Variants in EHBP1 observed in about 807,000 individuals in gnomAD.
The protein encoded by EHBP1 is EH domain-binding protein 1.
Under a neutral mutation model 144.0 loss-of-function variants are expected in EHBP1, and 55 were observed. The observed-to-expected ratio is 0.38, with a 90% CI of 0.31 to 0.48. The LOEUF is 0.48. Among genes scored for constraint, EHBP1 ranks in the 20% least tolerant of loss-of-function variants. The pLI is 0.98. For synonymous variants in EHBP1, 469 were observed against 472.7 expected (o/e 0.99, Z 0.10); for missense variants, 1,200 against 1,364.2 (o/e 0.88, Z 1.90).
At chr2:62,867,752 A>G (rs1283210721) in intron 9 of EHBP1, among the ~76,000 whole-genome samples, 1 of 152,208 alleles carries the variant, frequency 6.6e-6, no homozygotes, top group Non-Finnish European at 1.5e-5. Context: ...AGAATAATCA[A>G]AACAACTTTG....
At chr2:62,810,557 T>C (rs1296501996) in intron 5 of EHBP1, among the ~76,000 whole-genome samples, 1 of 152,178 alleles carries the variant, frequency 6.6e-6, no homozygotes, top group Non-Finnish European at 1.5e-5. Flanking sequence ...ATGAGTTCAG[T>C]TTGGCTATGT....
intron 21 of EHBP1, among the ~76,000 whole-genome samples, chr2:63,040,422 T>A (rs1240455294): frequency 1.3e-5 from 2 of 152,174 alleles, no homozygotes; most frequent in Non-Finnish European, 2.9e-5. Context: ...ACACATTAAA[T>A]AATTCAATTT....
At position 62,896,071 on chromosome 2, in the gene EHBP1, T is replaced by C. The variant is rs2052900723; in HGVS notation, c.1185+21539T>C. On this transcript the variant is annotated intron_variant, in intron 10 of 22. Transcript: ENST00000431489. ...GATATAATAGACACAGTTTCTAACTTTCTGGAGATACTACAAAGTGAACCC... is the reference window on the plus strand; with the variant it reads ...GATATAATAGACACAGTTTCTAACTCTCTGGAGATACTACAAAGTGAACCC... Among the ~76,000 whole-genome samples the C allele has an allele frequency of 5.9e-5, 9 of 152,184 alleles. No individual in the cohort carries two copies. In the South Asian group the frequency reaches 1.7e-3, roughly 28 times the overall value.
At chr2:63,010,028 C>T (rs556786873) in intron 19 of EHBP1, among the ~76,000 whole-genome samples, 31 of 151,498 alleles carry the variant, frequency 2.0e-4, no homozygotes, top group African/African-American at 7.2e-4. Flanking sequence ...TATTTTTGGA[C>T]CTCAGTAAGT....
At chr2:63,030,253 A>G (rs1440881785) in intron 19 of EHBP1, among the ~76,000 whole-genome samples, 1 of 152,210 alleles carries the variant, frequency 6.6e-6, no homozygotes, top group African/African-American at 2.4e-5. Context: ...TCTAAAGTTC[A>G]TTTATGAGTC....
chr2:62,918,878 C>T (rs931214059), intron 10 of EHBP1, among the ~76,000 whole-genome samples: 14 of 152,138 alleles, frequency 9.2e-5, no homozygotes, highest in African/African-American at 1.2e-4. Context: ...CTCTCCCAAC[C>T]GAGACAACAT....
chr2:62,981,456 G>A (rs1305753324), intron 15 of EHBP1, among the ~76,000 whole-genome samples: 2 of 152,068 alleles, frequency 1.3e-5, no homozygotes, highest in African/African-American at 4.8e-5. Context: ...AGGGGCAGTT[G>A]GTATCTATTT....
intron 10 of EHBP1, among the ~76,000 whole-genome samples, chr2:62,924,721 C>T (rs978792690): frequency 6.6e-6 from 1 of 152,150 alleles, no homozygotes; most frequent in Non-Finnish European, 1.5e-5. Context: ...AGTATTCCAA[C>T]AATGTAAAGT....
At chr2:62,761,647 G>A (rs1282303460) in intron 3 of EHBP1, among the ~76,000 whole-genome samples, 1 of 152,044 alleles carries the variant, frequency 6.6e-6, no homozygotes, top group Non-Finnish European at 1.5e-5. Context: ...CTCATATACT[G>A]TAACTTCTTT....
chr2:63,031,510 A>G (rs992438330), intron 19 of EHBP1, among the ~76,000 whole-genome samples: 3 of 152,224 alleles, frequency 2.0e-5, no homozygotes, highest in Non-Finnish European at 4.4e-5. Flanking sequence ...AACTTTAGTC[A>G]AATGCTCATC....
intron 4 of EHBP1, among the ~76,000 whole-genome samples, chr2:62,770,334 C>T (rs2041561199): frequency 6.6e-6 from 1 of 151,944 alleles, no homozygotes. Flanking sequence ...ACAAAACAAC[C>T]CCATTAAAAA....
upstream of EHBP1, among the ~76,000 whole-genome samples, chr2:62,701,729 G>C (rs1013063601): frequency 2.6e-5 from 4 of 152,178 alleles, no homozygotes; most frequent in African/African-American, 7.2e-5. Flanking sequence ...GTATTGGCCT[G>C]CCACAGTGAG....
chr2:62,825,752 TA>T (rs2046303289), intron 5 of EHBP1, among the ~76,000 whole-genome samples: 1 of 152,090 alleles, frequency 6.6e-6, no homozygotes, highest in African/African-American at 2.4e-5. Context: ...TGTTGATGCC[TA>T]GCCCTGTATT....
intron 19 of EHBP1, among the ~76,000 whole-genome samples, chr2:63,023,936 AGAATT>A (rs1183542236): frequency 6.6e-6 from 1 of 152,244 alleles, no homozygotes; most frequent in African/African-American, 2.4e-5. Context: ...AATTTTCTAG[AGAATT>A]GAATTTTTAA....
At chr2:62,967,645 T>C (rs529569828) in intron 14 of EHBP1, among the ~76,000 whole-genome samples, 1 of 152,322 alleles carries the variant, frequency 6.6e-6, no homozygotes, top group East Asian at 1.9e-4. Flanking sequence ...GAGGAAAATC[T>C]TTCAAGTACA....
intron 10 of EHBP1, among the ~76,000 whole-genome samples, chr2:62,906,780 A>G (rs1035853710): frequency 6.6e-6 from 1 of 152,208 alleles, no homozygotes; most frequent in African/African-American, 2.4e-5. Flanking sequence ...GCCCATTTAC[A>G]GCCAAAACCA....
intron 19 of EHBP1, among the ~76,000 whole-genome samples, chr2:63,024,299 G>GC (rs1437335635): frequency 6.6e-6 from 1 of 152,166 alleles, no homozygotes; most frequent in Non-Finnish European, 1.5e-5. Flanking sequence ...AGCCAAGACT[G>GC]CACAATTGCA....
chr2:62,912,239 A>G (rs1266169017), intron 10 of EHBP1, among the ~76,000 whole-genome samples: 1 of 152,150 alleles, frequency 6.6e-6, no homozygotes, highest in Non-Finnish European at 1.5e-5. Context: ...AGAATTTTTC[A>G]GTCATATAAA....
intron 7 of EHBP1, among the ~76,000 whole-genome samples, chr2:62,852,834 T>A (rs2048775319): frequency 6.6e-6 from 1 of 152,156 alleles, no homozygotes; most frequent in Non-Finnish European, 1.5e-5. Flanking sequence ...TAATTCTACC[T>A]ACTGAGAAAT....
Sources: allele counts gnomAD v4.1 joint callset (sites outside exome capture counted in the v4.1 genomes callset), GRCh38; gene constraint gnomAD v4.1.1; transcripts MANE v1.5; gene names NCBI Gene and HGNC (gene_info 2026-07-23, HGNC 2026-07-21).